Variants in CCDC85C observed in about 807,000 individuals in gnomAD.
CCDC85C encodes the protein coiled-coil domain containing 85C.
A neutral mutation model predicts 38.3 loss-of-function variants in CCDC85C; 18 were observed. The ratio of observed to expected loss-of-function variants is 0.47; its 90% CI spans 0.33 to 0.70. The LOEUF (loss-of-function observed/expected upper bound fraction) is 0.70. Among genes scored for constraint, CCDC85C ranks in the 30% least tolerant of loss-of-function variants. CCDC85C has a pLI of 0.03. For synonymous variants in CCDC85C, 264 were observed against 293.8 expected, an observed-to-expected ratio of 0.90 and a Z score of 1.04; for missense variants, 566 against 621.2, an observed-to-expected ratio of 0.91 and a Z score of 0.94.
chr14:99,515,086 G>C lies in CCDC85C; in HGVS notation c.*160C>G. The C allele has an allele frequency of 1.7e-6, 1 of 579,454 alleles. No individual in the cohort carries two copies. Among genetic ancestry groups the C allele is most frequent in the South Asian group, 2.1e-5 (1 of 48,094 alleles). The allele number at this position is 579,454 out of a possible 1,614,324, so 35.9% of individuals were successfully genotyped here. On this transcript the variant is annotated 3_prime_UTR_variant, in exon 6 of 6. Transcript: ENST00000380243. ...AGATGGCGGCTTGGGCCAGTGCATC[G>C]GACCCATGGCAGCTGGGCCAGGGCG...
intron 1 of CCDC85C, among the ~76,000 whole-genome samples, chr14:99,589,243 G>C (rs990858295): frequency 1.3e-5 from 2 of 152,088 alleles, no homozygotes; most frequent in East Asian, 1.9e-4. Flanking sequence ...ACAGCAGGCA[G>C]GGGGGAGCAC....
chr14:99,532,028 C>T (rs1046955982), intron 2 of CCDC85C, among the ~76,000 whole-genome samples: 1 of 152,222 alleles, frequency 6.6e-6, no homozygotes, highest in African/African-American at 2.4e-5. Flanking sequence ...CCACAGGCTC[C>T]CCAAGACACA....
At chr14:99,579,550 CCTCACT>C (rs2054942495) in intron 1 of CCDC85C, among the ~76,000 whole-genome samples, 1 of 152,260 alleles carries the variant, frequency 6.6e-6, no homozygotes, top group African/African-American at 2.4e-5. Context: ...CCACTGACTG[CCTCACT>C]CCCAACTCTT....
chr14:99,591,739 T>C lies in CCDC85C; in HGVS notation c.793+11428A>G, dbSNP rs572462798. Reference sequence around the variant, plus strand: ...CAGGTTTCTTGGTTTCTTTTCTTTTTTTTTTTTTTTTTGGAAATGGAGTCT... The same window carrying C: ...CAGGTTTCTTGGTTTCTTTTCTTTTCTTTTTTTTTTTTGGAAATGGAGTCT... On this transcript the variant is annotated intron_variant, in intron 1 of 5. Transcript: ENST00000380243. Among the ~76,000 whole-genome samples, 93 of 149,626 alleles carry C rather than the reference T, an allele frequency of 6.2e-4. 1 individual carries two copies. The highest frequency in any genetic ancestry group is 1.3e-3 in the Non-Finnish European group (85 of 67,238).
intron 2 of CCDC85C, among the ~76,000 whole-genome samples, chr14:99,524,985 C>A (rs370566795): frequency 4.5e-4 from 69 of 152,342 alleles, no homozygotes; most frequent in African/African-American, 1.6e-3. Flanking sequence ...GGGGCCAGCC[C>A]TGCCAAACAC....
At chr14:99,554,293 T>A (rs895380639) in intron 1 of CCDC85C, among the ~76,000 whole-genome samples, 4 of 150,528 alleles carry the variant, frequency 2.7e-5, no homozygotes, top group Admixed American at 1.3e-4. Flanking sequence ...ACCACGGCAC[T>A]GCACTTCTAA....
chr14:99,515,245 C>T lies in CCDC85C; in HGVS notation c.*1G>A. On this transcript the variant is annotated 3_prime_UTR_variant, in exon 6 of 6. Coordinates refer to ENST00000380243, the MANE Select transcript of CCDC85C (RefSeq NM_001144995.2). ...CAGTCCACGTCCACAGAAGAGTGGC[C>T]CTACAAAGGCCCCTTGAACTGGTTC... is the stretch of plus-strand genomic sequence containing the variant. 6.5e-7 allele frequency: 1 copy of T among 1,549,908 alleles called. No individual in the cohort carries two copies. Among genetic ancestry groups the T allele is most frequent in the Non-Finnish European group, 8.7e-7 (1 of 1,146,234 alleles).
intron 1 of CCDC85C, among the ~76,000 whole-genome samples, chr14:99,598,127 G>C (rs989615198): frequency 1.3e-5 from 2 of 152,148 alleles, no homozygotes; most frequent in African/African-American, 4.8e-5. Context: ...TGGGGCCTTC[G>C]CACATCAGGG....
intron 1 of CCDC85C, among the ~76,000 whole-genome samples, chr14:99,567,976 A>AG (rs1898251260): frequency 6.6e-6 from 1 of 152,174 alleles, no homozygotes; most frequent in African/African-American, 2.4e-5. Context: ...CTCCAAATAC[A>AG]CAAGACTGCC....
intron 1 of CCDC85C, among the ~76,000 whole-genome samples, chr14:99,560,072 C>T (rs1340274952): frequency 6.6e-6 from 1 of 152,082 alleles, no homozygotes; most frequent in African/African-American, 2.4e-5. Context: ...GGTGTTCTTT[C>T]CCTCCTTGTA....
Position 99,510,128 on chromosome 14 carries a change from C to A in CCDC85C, c.*5118G>T. The stretch of plus-strand genomic sequence containing the variant: ...AAAAAGCAACCATTGCTGGCGGAGG[C>A]CGGGCACTGATGCGTCTCTCTCCTG... On this transcript the variant is annotated 3_prime_UTR_variant, in exon 6 of 6. Transcript: ENST00000380243. 1 of 1,575,502 alleles carries A rather than the reference C, an allele frequency of 6.3e-7. No homozygotes were observed.
rs1272893529 is a variant in CCDC85C, at chr14:99,604,127, G to A, written c.-168C>T. On this transcript the variant is annotated 5_prime_UTR_variant, in exon 1 of 6. Coordinates refer to ENST00000380243, the MANE Select transcript of CCDC85C (RefSeq NM_001144995.2). ...CTCGCCGCGCCCGCCGGGGCCGCCC[G>A]GGAGCCCGCGCGCCTCGGGGTTGAC... 5.3e-6 allele frequency: 3 copies of A among 560,796 alleles called. No individual in the cohort carries two copies. Among genetic ancestry groups the A allele is most frequent in the African/African-American group, 4.1e-5 (2 of 48,422 alleles). The allele number at this position is 560,796 out of a possible 1,614,324, so 34.7% of individuals were successfully genotyped here. A position where few individuals can be genotyped will look rare whatever the true frequency, so the allele number is the denominator to read the frequency against.
At position 99,572,746 on chromosome 14, in the gene CCDC85C, G is replaced by T. The variant is rs563659423; in HGVS notation, c.793+30421C>A. On this transcript the variant is annotated intron_variant, in intron 1 of 5. Transcript: ENST00000380243. The surrounding 1 kb of genome is among the most constrained non-coding windows in gnomAD (Gnocchi z 4.4). ...AGGATATGAAACTGTCCCATCCATG[G>T]ATTTGTTTGCCAGTTTATCCATCTT... 2.2e-6 allele frequency: 1 copy of T among 455,980 alleles called. No homozygotes were observed. The highest frequency in any genetic ancestry group is 2.0e-5 in the African/African-American group (1 of 50,082). The allele number at this position is 455,980 out of a possible 1,614,324, so 28.2% of individuals were successfully genotyped here.
At position 99,506,550 on chromosome 14, in the gene CCDC85C, G is replaced by T. The variant is rs532266034; in HGVS notation, c.*8696C>A. ...TGCCATCAGTGTGTCAACCTCCAGAGCTCTGCTGACTCCAGTTAATGTGCT... is the reference window on the plus strand; with the variant it reads ...TGCCATCAGTGTGTCAACCTCCAGATCTCTGCTGACTCCAGTTAATGTGCT... On this transcript the variant is annotated 3_prime_UTR_variant, in exon 6 of 6. Transcript: ENST00000380243. 6.4e-6 allele frequency: 1 copy of T among 155,572 alleles called. No homozygotes were observed. The highest frequency in any genetic ancestry group is 1.4e-5 in the Non-Finnish European group (1 of 70,192). The allele number at this position is 155,572 out of a possible 1,614,324, so 9.6% of individuals were successfully genotyped here. A position where few individuals can be genotyped will look rare whatever the true frequency, so the allele number is the denominator to read the frequency against.
chr14:99,595,674 G>A (rs1408636537), intron 1 of CCDC85C, among the ~76,000 whole-genome samples: 2 of 152,226 alleles, frequency 1.3e-5, no homozygotes, highest in Non-Finnish European at 2.9e-5. Flanking sequence ...AAAGGGGCAT[G>A]ATGAATAATC....
In CCDC85C at chr14:99,501,692, T is replaced by G; in HGVS notation, c.*13554A>C. 1 of 403,986 alleles carries G rather than the reference T, an allele frequency of 2.5e-6. No homozygotes were observed. Among genetic ancestry groups the G allele is most frequent in the Admixed American group, 4.3e-5 (1 of 23,316 alleles). 25.0% of individuals were successfully genotyped at this position (403,986 alleles called of 1,614,324 possible). On this transcript the variant is annotated 3_prime_UTR_variant, in exon 6 of 6. Coordinates refer to ENST00000380243, the MANE Select transcript of CCDC85C (RefSeq NM_001144995.2). ...CAATACACTGGAGAATTTTGAAAAC[T>G]AATTACTTAGAGCCCATTTGGTTTT...
Position 99,548,314 on chromosome 14 carries a change from C to T in CCDC85C, c.794-12226G>A, listed in dbSNP as rs761874403. Among the ~76,000 whole-genome samples, 6 of 152,098 alleles carry T rather than the reference C, an allele frequency of 3.9e-5. No individual in the cohort carries two copies. The highest frequency in any genetic ancestry group is 7.2e-5 in the African/African-American group (3 of 41,410). On this transcript the variant is annotated intron_variant, in intron 1 of 5. Coordinates refer to ENST00000380243, the MANE Select transcript of CCDC85C (RefSeq NM_001144995.2). This position sits in a 1 kb window ranked among gnomAD's most constrained non-coding sequence, Gnocchi z 4.9. Reference sequence around the variant, plus strand: ...AGAAGTCTGTGAGGAGACGCCCAACCGCAGGTGTCATCAAGGAAACCCAAT... The same window carrying T: ...AGAAGTCTGTGAGGAGACGCCCAACTGCAGGTGTCATCAAGGAAACCCAAT...
intron 1 of CCDC85C, among the ~76,000 whole-genome samples, chr14:99,581,841 A>G (rs1034244174): frequency 6.6e-6 from 1 of 152,224 alleles, no homozygotes; most frequent in Admixed American, 6.5e-5. Context: ...GGAGCTGGTC[A>G]GAAAGGTCGT....
intron 1 of CCDC85C, among the ~76,000 whole-genome samples, chr14:99,574,019 G>C (rs938656147): frequency 2.6e-5 from 4 of 152,228 alleles, no homozygotes. Context: ...CTGCCATTTG[G>C]AACTGGCATT....
Sources: allele counts gnomAD v4.1 joint callset (sites outside exome capture counted in the v4.1 genomes callset), GRCh38; gene constraint gnomAD v4.1.1; non-coding constraint Gnocchi (gnomAD v3.1); transcripts MANE v1.5; gene names NCBI Gene and HGNC (gene_info 2026-07-23, HGNC 2026-07-21).